MRPS31: variants seen among roughly 807,000 people sequenced by gnomAD.
MRPS31 encodes small ribosomal subunit protein mS31.
Under a neutral mutation model 43.1 loss-of-function variants are expected in MRPS31, and 32 were observed. The ratio of observed to expected loss-of-function variants is 0.74; its 90% CI spans 0.56 to 1.00. The LOEUF is 1.00. Among genes scored for constraint, MRPS31 ranks in the 50% least tolerant of loss-of-function variants. MRPS31 has a pLI of 0.00. For synonymous variants in MRPS31, 165 were observed against 161.6 expected (o/e 1.02, Z -0.16); for missense variants, 437 against 466.7 (o/e 0.94, Z 0.59).
intron 1 of MRPS31, among the ~76,000 whole-genome samples, chr13:40,767,468 T>C (rs768024780): frequency 5.3e-5 from 8 of 152,270 alleles, no homozygotes; most frequent in Middle Eastern, 3.2e-3. Context: ...ATACTTTATT[T>C]ACATTTCTCA....
chr13:40,743,086 CA>C (rs778181629), intron 6 of MRPS31, among the ~76,000 whole-genome samples: 18 of 152,058 alleles, frequency 1.2e-4, no homozygotes, highest in Non-Finnish European at 2.5e-4. Context: ...CTGAGGCAGG[CA>C]GATCACCTGA....
At chr13:40,756,842 A>T (rs1193051878) in intron 4 of MRPS31, 31 bp downstream of exon 4, 30 of 1,610,046 alleles carry the variant, frequency 1.9e-5, no homozygotes, top group Non-Finnish European at 2.5e-5. Context: ...AACTACACAA[A>T]CAAAACCCAG....
At chr13:40,735,579 G>T (rs1413205423) in intron 6 of MRPS31, among the ~76,000 whole-genome samples, 1 of 152,074 alleles carries the variant, frequency 6.6e-6, no homozygotes, top group Non-Finnish European at 1.5e-5. Flanking sequence ...CGCAGCTGGA[G>T]ATCTGAGAAC....
intron 5 of MRPS31, among the ~76,000 whole-genome samples, chr13:40,753,203 A>C (rs1413829905): frequency 6.6e-6 from 1 of 152,182 alleles, no homozygotes; most frequent in African/African-American, 2.4e-5. Flanking sequence ...AAAACACTAC[A>C]AGTCTGTTAA....
At chr13:40,769,649 CTATT>C (rs1055479169) in intron 1 of MRPS31, among the ~76,000 whole-genome samples, 2 of 151,752 alleles carry the variant, frequency 1.3e-5, no homozygotes, top group African/African-American at 4.8e-5. Context: ...ATGGTACAAT[CTATT>C]TAAGAAAATG....
chr13:40,765,498 T>A (rs1880818318), intron 2 of MRPS31, among the ~76,000 whole-genome samples: 1 of 152,224 alleles, frequency 6.6e-6, no homozygotes, highest in South Asian at 2.1e-4. Context: ...AATGCCATTC[T>A]TGAAAAGTAT....
chr13:40,742,978 C>G (rs924255637), intron 6 of MRPS31, among the ~76,000 whole-genome samples: 1 of 152,028 alleles, frequency 6.6e-6, no homozygotes, highest in Non-Finnish European at 1.5e-5. Context: ...AAATACCATC[C>G]TAGACAACAG....
At chr13:40,760,804 C>A (rs961136497) in intron 2 of MRPS31, among the ~76,000 whole-genome samples, 1 of 151,894 alleles carries the variant, frequency 6.6e-6, no homozygotes, top group Non-Finnish European at 1.5e-5. Flanking sequence ...GAACTGACAT[C>A]TCAATGAGTG....
chr13:40,753,149 T>C (rs777907176), intron 5 of MRPS31, among the ~76,000 whole-genome samples: 25 of 152,234 alleles, frequency 1.6e-4, no homozygotes, highest in Admixed American at 3.9e-4. Flanking sequence ...GAGGACACTC[T>C]TATTTCTCTT....
At position 40,753,999 on chromosome 13, in the gene MRPS31, G is replaced by A; in HGVS notation, c.814+20C>T. 1 of 1,455,316 alleles carries A rather than the reference G, an allele frequency of 6.9e-7. No homozygotes were observed. Among genetic ancestry groups the A allele is most frequent in the East Asian group, 2.3e-5 (1 of 43,252 alleles). 90.2% of individuals were successfully genotyped at this position (1,455,316 alleles called of 1,614,324 possible). ...ATGGAATGTTTCTCCACCTGAGAAAGAGTGTTATTCTTAACAAACCTGTTT... is the reference window on the plus strand; with the variant it reads ...ATGGAATGTTTCTCCACCTGAGAAAAAGTGTTATTCTTAACAAACCTGTTT... On this transcript the variant is annotated intron_variant, in intron 5 of 6. Transcript: ENST00000323563.
rs191819325 is a variant in MRPS31, at chr13:40,729,317, T to A, written c.*55A>T. 12 of 876,292 alleles carry A rather than the reference T, an allele frequency of 1.4e-5. No homozygotes were observed. The highest frequency in any genetic ancestry group is 1.1e-4 in the Admixed American group (4 of 36,864). 54.3% of individuals were successfully genotyped at this position (876,292 alleles called of 1,614,324 possible). On this transcript the variant is annotated 3_prime_UTR_variant, in exon 7 of 7. Transcript: ENST00000323563. ...CATATACAAACTCTAGTAAAATTATTTTATTTAGTTGTAATATCCATCTCT... is the reference window on the plus strand; with the variant it reads ...CATATACAAACTCTAGTAAAATTATATTATTTAGTTGTAATATCCATCTCT...
intron 6 of MRPS31, among the ~76,000 whole-genome samples, chr13:40,745,433 G>T (rs932633255): frequency 6.6e-6 from 1 of 152,098 alleles, no homozygotes; most frequent in Non-Finnish European, 1.5e-5. Context: ...TGTATTTTTA[G>T]TAGAGATGGG....
At chr13:40,755,825 T>C (rs1332521708) in intron 4 of MRPS31, among the ~76,000 whole-genome samples, 1 of 152,218 alleles carries the variant, frequency 6.6e-6, no homozygotes, top group Non-Finnish European at 1.5e-5. Flanking sequence ...AATTATAATA[T>C]ACCATCCTAA....
At chr13:40,765,115 A>G (rs933273588) in intron 2 of MRPS31, among the ~76,000 whole-genome samples, 3 of 152,214 alleles carry the variant, frequency 2.0e-5, no homozygotes, top group African/African-American at 7.2e-5. Flanking sequence ...TTTAAAACTC[A>G]AAACAAATGT....
intron 6 of MRPS31, among the ~76,000 whole-genome samples, chr13:40,733,746 T>C (rs552841379): frequency 6.6e-6 from 1 of 152,008 alleles, no homozygotes; most frequent in African/African-American, 2.4e-5. Context: ...GGCGAGTGGA[T>C]TGCTTATTAA....
intron 2 of MRPS31, among the ~76,000 whole-genome samples, chr13:40,762,794 GTGTGTGTGTGT>G (rs1880738047): frequency 7.0e-5 from 2 of 28,372 alleles, no homozygotes; most frequent in African/African-American, 3.2e-4. Flanking sequence ...GTGTGTGTGT[GTGTGTGTGTGT>G]GTGTGTGTGT....
intron 4 of MRPS31, among the ~76,000 whole-genome samples, chr13:40,755,880 T>C (rs1880512957): frequency 6.6e-6 from 1 of 152,238 alleles, no homozygotes; most frequent in South Asian, 2.1e-4. Context: ...TTCAGTTAAA[T>C]ATTCTCGAGG....
chr13:40,737,307 A>T (rs9577133), intron 6 of MRPS31, among the ~76,000 whole-genome samples: 55,378 of 151,592 alleles, frequency 0.37, 10,915 homozygotes, highest in East Asian at 0.59. Flanking sequence ...CTACAAAGAG[A>T]CTTAAGACTC....
At chr13:40,735,989 C>T (rs1368373885) in intron 6 of MRPS31, among the ~76,000 whole-genome samples, 273 of 145,494 alleles carry the variant, frequency 1.9e-3, no homozygotes, top group Middle Eastern at 0.01. Context: ...CTCTGAGCTA[C>T]GGGAGGACAT....
Sources: allele counts gnomAD v4.1 joint callset (sites outside exome capture counted in the v4.1 genomes callset), GRCh38; gene constraint gnomAD v4.1.1; transcripts MANE v1.5; gene names NCBI Gene and HGNC (gene_info 2026-07-23, HGNC 2026-07-21).